The following RAP1A variants were observed in gnomAD, a reference collection of about 807,000 sequenced individuals.
RAP1A encodes ras-related protein Rap-1A.
RAP1A carries 6 observed loss-of-function variants against 26.4 expected under a neutral mutation model. The observed-to-expected ratio is 0.23, with a 90% CI of 0.12 to 0.45. The LOEUF is 0.45. RAP1A is among the 20% of genes least tolerant of loss of function. The pLI is 0.99. For missense variants in RAP1A, 121 were observed against 217.2 expected (o/e 0.56, Z 2.78); for synonymous variants, 73 against 79.4 (o/e 0.92, Z 0.43).
intron 1 of RAP1A, among the ~76,000 whole-genome samples, chr1:111,561,512 G>T (rs1657735582): frequency 6.6e-6 from 1 of 152,136 alleles, no homozygotes; most frequent in African/African-American, 2.4e-5. Context: ...TGTATTGGGG[G>T]AAGGAGGGAG....
At chr1:111,616,336 G>C (rs2101083084), upstream of RAP1A, among the ~76,000 whole-genome samples, 1 of 152,302 alleles carries the variant, frequency 6.6e-6, no homozygotes, top group African/African-American at 2.4e-5. Context: ...GGGCAATCCA[G>C]TTCCTCAACC....
chr1:111,672,641 G>T (rs1661010383), intron 1 of RAP1A, among the ~76,000 whole-genome samples: 2 of 152,132 alleles, frequency 1.3e-5, no homozygotes, highest in African/African-American at 4.8e-5. Flanking sequence ...TCCCCAAAGA[G>T]AAAAAATTCA....
At chr1:111,631,568 C>T (rs1659568187) in intron 1 of RAP1A, among the ~76,000 whole-genome samples, 1 of 152,154 alleles carries the variant, frequency 6.6e-6, no homozygotes, top group Admixed American at 6.5e-5. Flanking sequence ...TATAGAGAAT[C>T]ACGTGGGTAG....
At position 111,633,296 on chromosome 1, in the gene RAP1A, AT is replaced by A. The variant is rs536563081; in HGVS notation, c.-28+13365del. Among the ~76,000 whole-genome samples the A allele has an allele frequency of 3.3e-5, 5 of 152,278 alleles. No individual in the cohort carries two copies. The South Asian group carries it at 1.0e-3, about 32-fold the overall frequency. On this transcript the variant is annotated intron_variant, in intron 1 of 7. Transcript: ENST00000369709. ...GTTCTCCATTCTAATCATACAGTTG[AT>A]TTGGTAATGACATACATAACCCCTG...
chr1:111,641,785 A>G (rs888720948), intron 1 of RAP1A, among the ~76,000 whole-genome samples: 4 of 152,200 alleles, frequency 2.6e-5, no homozygotes, highest in Non-Finnish European at 5.9e-5. Flanking sequence ...TAATATTTGC[A>G]TAGTACAGAT....
At chr1:111,639,373 CT>C (rs1311339494) in intron 1 of RAP1A, among the ~76,000 whole-genome samples, 15 of 141,674 alleles carry the variant, frequency 1.1e-4, no homozygotes, top group African/African-American at 3.9e-4. Context: ...ATGTAGGTTT[CT>C]TTATGAGAAA....
chr1:111,597,930 T>C (rs779346382), intron 1 of RAP1A, among the ~76,000 whole-genome samples: 1 of 152,206 alleles, frequency 6.6e-6, no homozygotes, highest in Admixed American at 6.5e-5. Flanking sequence ...TAATAGTAAA[T>C]AATTATAAGA....
intron 1 of RAP1A, among the ~76,000 whole-genome samples, chr1:111,644,511 A>C (rs1299921110): frequency 6.6e-6 from 1 of 152,162 alleles, no homozygotes; most frequent in African/African-American, 2.4e-5. Context: ...TTGCCCAGTG[A>C]AAGGTGGGTA....
intron 1 of RAP1A, among the ~76,000 whole-genome samples, chr1:111,661,221 T>C (rs1454107190): frequency 1.3e-5 from 2 of 152,196 alleles, no homozygotes; most frequent in East Asian, 3.8e-4. Flanking sequence ...AAATGGGAAA[T>C]CACTGAAGTA....
At chr1:111,599,351 G>A (rs1470660415) in intron 1 of RAP1A, among the ~76,000 whole-genome samples, 3 of 152,004 alleles carry the variant, frequency 2.0e-5, no homozygotes, top group Non-Finnish European at 2.9e-5. Flanking sequence ...GACTACAGGC[G>A]CATGCCACCG....
At chr1:111,543,368 A>G (rs1468349378) in intron 1 of RAP1A, among the ~76,000 whole-genome samples, 3 of 152,144 alleles carry the variant, frequency 2.0e-5, no homozygotes, top group African/African-American at 7.2e-5. Flanking sequence ...ATTCGCTGCC[A>G]AAAGGGAAAA....
At chr1:111,709,123 G>C (rs750537446) in intron 6 of RAP1A, 26 bp from the exon 7 acceptor site, 1 of 1,599,538 alleles carries the variant, frequency 6.3e-7, no homozygotes, top group Non-Finnish European at 8.5e-7. Context: ...GGTGGAGTAA[G>C]TACTTTTTTT....
intron 1 of RAP1A, among the ~76,000 whole-genome samples, chr1:111,632,784 G>A (rs1659606878): frequency 6.6e-6 from 1 of 152,004 alleles, no homozygotes; most frequent in Admixed American, 6.6e-5. Context: ...AGCTGGGCGC[G>A]GTGGCGCATG....
chr1:111,543,766 C>T (rs1656934409), intron 1 of RAP1A, among the ~76,000 whole-genome samples: 1 of 151,464 alleles, frequency 6.6e-6, no homozygotes, highest in African/African-American at 2.4e-5. Context: ...GCAGATTGGA[C>T]AGCTTCAAAC....
At chr1:111,661,777 C>T (rs760478839) in intron 1 of RAP1A, among the ~76,000 whole-genome samples, 2 of 144,900 alleles carry the variant, frequency 1.4e-5, no homozygotes, top group South Asian at 2.2e-4. Context: ...CCAGCCTGGG[C>T]GACAGAACGA....
At chr1:111,621,412 T>A (rs1204184276) in intron 1 of RAP1A, among the ~76,000 whole-genome samples, 2 of 152,216 alleles carry the variant, frequency 1.3e-5, no homozygotes, top group Non-Finnish European at 1.5e-5. Context: ...TGTTTTGAAA[T>A]CATATAGTTC....
At chr1:111,708,064 C>T (rs887884145) in intron 6 of RAP1A, among the ~76,000 whole-genome samples, 1 of 151,996 alleles carries the variant, frequency 6.6e-6, no homozygotes, top group African/African-American at 2.4e-5. Flanking sequence ...AGCTCCCAGC[C>T]GTTCGGGAGG....
At chr1:111,562,018 A>G (rs1467002176) in intron 1 of RAP1A, among the ~76,000 whole-genome samples, 1 of 152,104 alleles carries the variant, frequency 6.6e-6, no homozygotes, top group East Asian at 1.9e-4. Context: ...CACACTCTGA[A>G]CCCAAATTAA....
intron 1 of RAP1A, chr1:111,564,059 G>T: frequency 1.2e-6 from 1 of 811,842 alleles, no homozygotes. Context: ...CTGTTTTGGG[G>T]GGTAGAGAAT....
Sources: gnomAD v4.1 joint callset for allele counts (sites outside exome capture counted in the v4.1 genomes callset) on GRCh38, gnomAD v4.1.1 for gene constraint, MANE v1.5 for transcripts, NCBI Gene and HGNC (gene_info 2026-07-23, HGNC 2026-07-21) for gene names.